PCDHGA1: variants seen among roughly 807,000 people sequenced by gnomAD.
PCDHGA1 encodes protocadherin gamma subfamily A, 1.
A neutral mutation model predicts 58.0 loss-of-function variants in PCDHGA1; 32 were observed. The ratio of observed to expected loss-of-function variants is 0.55; its 90% confidence interval spans 0.42 to 0.74. The LOEUF (loss-of-function observed/expected upper bound fraction) is 0.74, where lower values mean the gene tolerates loss of function less well. Among genes scored for constraint, PCDHGA1 ranks in the 30% least tolerant of loss-of-function variants. PCDHGA1 has a pLI of 0.00. For missense variants in PCDHGA1, 1,205 were observed against 1,182.3 expected (o/e 1.02, Z -0.28); for synonymous variants, 498 against 501.1 (o/e 0.99, Z 0.08).
In PCDHGA1 at chr5:141,361,541, C is replaced by CCTCTATCG. The variant is rs778689212; in HGVS notation, c.2421+28440_2421+28447dup. ...GTGGCAGAGAACAATCCTCCTGGCGCCTCTATCGCTCAAATCAGTGCCTCT... is the reference window on the plus strand; with the variant it reads ...GTGGCAGAGAACAATCCTCCTGGCGCCTCTATCGCTCTATCGCTCAAATCAGTGCCTCT... On this transcript the variant is annotated intron_variant, in intron 1 of 3. Coordinates refer to ENST00000517417, the MANE Select transcript of PCDHGA1 (RefSeq NM_018912.3). The CCTCTATCG allele has an allele frequency of 6.2e-6, 10 of 1,613,956 alleles. No individual in the cohort carries two copies. In the African/African-American group the frequency reaches 1.2e-4, roughly 19 times the overall value.
chr5:141,378,683 C>G (rs559332008), intron 1 of PCDHGA1: 9 of 152,254 alleles, frequency 5.9e-5, no homozygotes, highest in Admixed American at 5.9e-4. Context: ...AATATTTTAG[C>G]ATTTTAACCC....
intron 1 of PCDHGA1, chr5:141,340,177 C>A (rs1459415373): frequency 6.2e-7 from 1 of 1,614,050 alleles, no homozygotes; most frequent in Non-Finnish European, 8.5e-7. Context: ...ACAATTACTA[C>A]CGACTGGTTA....
chr5:141,496,440 A>G (rs2099768848), intron 2 of PCDHGA1, among the ~76,000 whole-genome samples: 1 of 152,158 alleles, frequency 6.6e-6, no homozygotes, highest in South Asian at 2.1e-4. Flanking sequence ...AAGTTGCTAC[A>G]GATGCTGAGC....
Position 141,491,947 on chromosome 5 carries a change from C to T in PCDHGA1, c.2422-2860C>T. ...GGGGAGGTGGGACCGACCCCCACCCCTACACTCAAAAAAGGCCGGGGCCTC... is the reference window on the plus strand; with the variant it reads ...GGGGAGGTGGGACCGACCCCCACCCTTACACTCAAAAAAGGCCGGGGCCTC... On this transcript the variant is annotated intron_variant, in intron 1 of 3. Coordinates refer to ENST00000517417, the MANE Select transcript of PCDHGA1 (RefSeq NM_018912.3). The surrounding 1 kb of genome is among the most constrained non-coding windows in gnomAD (Gnocchi z 6.9). 1 of 1,114,210 alleles carries T rather than the reference C, an allele frequency of 9.0e-7. No individual in the cohort carries two copies. The highest frequency in any genetic ancestry group is 1.2e-6 in the Non-Finnish European group (1 of 815,758). 69.0% of individuals were successfully genotyped at this position (1,114,210 alleles called of 1,614,324 possible). A position where few individuals can be genotyped will look rare whatever the true frequency, so the allele number is the denominator to read the frequency against.
chr5:141,392,946 G>A, intron 1 of PCDHGA1: 2 of 1,613,940 alleles, frequency 1.2e-6, no homozygotes, highest in Non-Finnish European at 1.7e-6. Context: ...AGGCTCCTTC[G>A]TGGGTAATAT....
At chr5:141,364,394 A>G in intron 1 of PCDHGA1, 2 of 1,603,510 alleles carry the variant, frequency 1.2e-6, no homozygotes, top group South Asian at 1.1e-5. Context: ...GCTCCTGGGG[A>G]CGCTGTGCGA....
intron 1 of PCDHGA1, among the ~76,000 whole-genome samples, chr5:141,436,290 T>C (rs2097808305): frequency 6.6e-6 from 1 of 152,164 alleles, no homozygotes; most frequent in Non-Finnish European, 1.5e-5. Flanking sequence ...GAACAAATCA[T>C]TGAGAGTTAG....
chr5:141,352,640 A>G, intron 1 of PCDHGA1: 1 of 1,608,046 alleles, frequency 6.2e-7, no homozygotes, highest in Non-Finnish European at 8.5e-7. Context: ...AGATCACAAA[A>G]TCGCTTATGA....
chr5:141,409,038 A>G (rs571756448), intron 1 of PCDHGA1: 9 of 1,614,026 alleles, frequency 5.6e-6, no homozygotes, highest in Non-Finnish European at 7.6e-6. Flanking sequence ...GAGATAAACT[A>G]CTACTTCCGA....
At chr5:141,419,877 C>T in intron 1 of PCDHGA1, 3 of 1,614,062 alleles carry the variant, frequency 1.9e-6, no homozygotes, top group Non-Finnish European at 8.5e-7. Flanking sequence ...GAGGTACTGC[C>T]GGATTTCAGC....
At position 141,476,786 on chromosome 5, in the gene PCDHGA1, C is replaced by G. The variant is rs2099398607; in HGVS notation, c.2422-18021C>G. 3.1e-6 allele frequency: 5 copies of G among 1,613,444 alleles called. No individual in the cohort carries two copies. The highest frequency in any genetic ancestry group is 1.7e-5 in the Admixed American group (1 of 60,000). ...GGCGTTGGACGGAGGGACCCCAGCTCTCTCCGCCAGCCTGCCTATTCACAT... is the reference window on the plus strand; with the variant it reads ...GGCGTTGGACGGAGGGACCCCAGCTGTCTCCGCCAGCCTGCCTATTCACAT... On this transcript the variant is annotated intron_variant, in intron 1 of 3. Coordinates refer to ENST00000517417, the MANE Select transcript of PCDHGA1 (RefSeq NM_018912.3). The surrounding 1 kb of genome is among the most constrained non-coding windows in gnomAD (Gnocchi z 7.6).
Position 141,431,605 on chromosome 5 carries a change from G to A in PCDHGA1, c.2422-63202G>A. ...ATGCGGAAGTGAGGTATTCCTTCCGGTATGTGGACGACAAGGCGGCCCAAG... is the reference window on the plus strand; with the variant it reads ...ATGCGGAAGTGAGGTATTCCTTCCGATATGTGGACGACAAGGCGGCCCAAG... On this transcript the variant is annotated intron_variant, in intron 1 of 3. Transcript: ENST00000517417. This position sits in a 1 kb window ranked among gnomAD's most constrained non-coding sequence, Gnocchi z 4.8. 2 of 1,614,236 alleles carry A rather than the reference G, an allele frequency of 1.2e-6. No individual in the cohort carries two copies. The highest frequency in any genetic ancestry group is 1.7e-6 in the Non-Finnish European group (2 of 1,180,044).
intron 1 of PCDHGA1, among the ~76,000 whole-genome samples, chr5:141,354,317 A>G (rs1041876300): frequency 2.6e-5 from 4 of 152,162 alleles, no homozygotes; most frequent in Non-Finnish European, 2.9e-5. Context: ...AAAAATTACT[A>G]CTCTATGAAA....
At chr5:141,436,668 C>CA (rs1159051861) in intron 1 of PCDHGA1, among the ~76,000 whole-genome samples, 1 of 151,748 alleles carries the variant, frequency 6.6e-6, no homozygotes, top group South Asian at 2.1e-4. Flanking sequence ...AGTGGTTGAC[C>CA]AAAAAAAGGA....
Position 141,476,708 on chromosome 5 carries a change from T to C in PCDHGA1, c.2422-18099T>C, listed in dbSNP as rs1205987380. The C allele has an allele frequency of 1.2e-6, 2 of 1,614,150 alleles. No homozygotes were observed. The highest frequency in any genetic ancestry group is 8.5e-7 in the Non-Finnish European group (1 of 1,180,024). ...CAGCACCAAGTACGCGGAGCTGGTG[T>C]TGGAGCGCGCCCTGGACCGAGAACG... On this transcript the variant is annotated intron_variant, in intron 1 of 3. Coordinates refer to ENST00000517417, the MANE Select transcript of PCDHGA1 (RefSeq NM_018912.3). The surrounding 1 kb of genome is among the most constrained non-coding windows in gnomAD (Gnocchi z 7.6).
Position 141,390,485 on chromosome 5 carries a change from T to G in PCDHGA1, c.2421+57380T>G, listed in dbSNP as rs919971230. On this transcript the variant is annotated intron_variant, in intron 1 of 3. Transcript: ENST00000517417. The stretch of plus-strand genomic sequence containing the variant: ...GCAATTGTGTGGCCCAACATTTGTT[T>G]GTTTTTTAGCCAAGCTTAGATTTAT... The G allele has an allele frequency of 1.4e-5, 9 of 656,166 alleles. No homozygotes were observed. The African/African-American group carries it at 1.5e-4, about 11-fold the overall frequency. The allele number at this position is 656,166 out of a possible 1,614,324, so 40.6% of individuals were successfully genotyped here.
chr5:141,382,495 A>G (rs1778251368), intron 1 of PCDHGA1, among the ~76,000 whole-genome samples: 1 of 152,272 alleles, frequency 6.6e-6, no homozygotes, highest in African/African-American at 2.4e-5. Context: ...ACACCGGTCC[A>G]TGAACACTGT....
rs964965013 is a variant in PCDHGA1 at position 141,489,097 on chromosome 5, C to G, written c.2422-5710C>G. The G allele has an allele frequency of 6.4e-6, 2 of 313,448 alleles. No homozygotes were observed. The highest frequency in any genetic ancestry group is 1.1e-4 in the South Asian group (2 of 18,596). 19.4% of individuals were successfully genotyped at this position (313,448 alleles called of 1,614,324 possible). The stretch of plus-strand genomic sequence containing the variant: ...ACCCCCGCCACTCGGTGACTAAGAA[C>G]TGCTGCAAGCAGGCAAACCTCCGAG... On this transcript the variant is annotated intron_variant, in intron 1 of 3. Coordinates refer to ENST00000517417, the MANE Select transcript of PCDHGA1 (RefSeq NM_018912.3). This position sits in a 1 kb window ranked among gnomAD's most constrained non-coding sequence, Gnocchi z 4.5.
Position 141,490,051 on chromosome 5 carries a change from G to C in PCDHGA1, c.2422-4756G>C, listed in dbSNP as rs779280988. 1 of 1,614,214 alleles carries C rather than the reference G, an allele frequency of 6.2e-7. No individual in the cohort carries two copies. The highest frequency in any genetic ancestry group is 1.1e-5 in the South Asian group (1 of 91,082). On this transcript the variant is annotated intron_variant, in intron 1 of 3. Coordinates refer to ENST00000517417, the MANE Select transcript of PCDHGA1 (RefSeq NM_018912.3). The surrounding 1 kb of genome is among the most constrained non-coding windows in gnomAD (Gnocchi z 5.4). Reference sequence around the variant, plus strand: ...CCGCCTCAATGCCACTGATCCAGACGAGGGCACCAACGGCCAACTAGACTA... The same window carrying C: ...CCGCCTCAATGCCACTGATCCAGACCAGGGCACCAACGGCCAACTAGACTA...
Sources: allele counts gnomAD v4.1 joint callset (sites outside exome capture counted in the v4.1 genomes callset), GRCh38; gene constraint gnomAD v4.1.1; non-coding constraint Gnocchi (gnomAD v3.1); transcripts MANE v1.5; gene names NCBI Gene and HGNC (gene_info 2026-07-23, HGNC 2026-07-21).